Variants in ROBO2 observed in about 807,000 individuals in gnomAD.
The protein encoded by ROBO2 is roundabout guidance receptor 2.
A neutral mutation model predicts 160.8 loss-of-function variants in ROBO2; 53 were observed. The observed-to-expected ratio is 0.33, with a 90% confidence interval of 0.26 to 0.41. ROBO2 has a LOEUF of 0.41. Ranked by LOEUF, ROBO2 falls within the 10% of genes least tolerant of loss-of-function variation. The probability of loss-of-function intolerance (pLI) is 1.00; values close to 1 mark genes in which losing one functional copy is unlikely to be tolerated. For synonymous variants in ROBO2, 664 were observed against 611.7 expected (o/e 1.09, Z -1.26); for missense variants, 1,577 against 1,722.4 (o/e 0.92, Z 1.49).
In ROBO2 at chr3:76,446,156, A is replaced by C. The variant is rs540343037; in HGVS notation, c.109+508554A>C. The stretch of plus-strand genomic sequence containing the variant: ...TTAGAAAACCCCATCGTCTCAGCCC[A>C]AAATCTCCTTAATCTGATAAGCAAC... On this transcript the variant is annotated intron_variant, in intron 2 of 26. Transcript: ENST00000487694. Among the ~76,000 whole-genome samples the C allele has an allele frequency of 5.3e-5, 8 of 152,322 alleles. No homozygotes were observed. In the East Asian group the frequency reaches 1.2e-3, roughly 22 times the overall value.
chr3:76,243,506 A>G (rs1559677694), intron 2 of ROBO2, among the ~76,000 whole-genome samples: 1 of 152,226 alleles, frequency 6.6e-6, no homozygotes, highest in Non-Finnish European at 1.5e-5. Context: ...ACACAGTAGT[A>G]CCCAAAGGCC....
At chr3:76,351,651 T>C (rs2074882728) in intron 2 of ROBO2, among the ~76,000 whole-genome samples, 2 of 152,020 alleles carry the variant, frequency 1.3e-5, no homozygotes, top group Admixed American at 1.3e-4. Context: ...TATGTTTCCA[T>C]ATTATGTCTT....
chr3:76,555,756 G>A (rs544276310), intron 2 of ROBO2, among the ~76,000 whole-genome samples: 2 of 152,086 alleles, frequency 1.3e-5, no homozygotes, highest in South Asian at 4.1e-4. Flanking sequence ...TAGTTAAGAG[G>A]TTCTCAAACA....
chr3:77,494,272 C>CT lies in ROBO2; in HGVS notation c.806+898dup, dbSNP rs201997067. ...TACAGGCTGTGTTTTTCTAATTTTT[C>CT]TTTTTTTTAAAAAAAATTTTTTGGC... is the stretch of plus-strand genomic sequence containing the variant. On this transcript the variant is annotated intron_variant, in intron 5 of 25. Transcript: ENST00000461745. Among the ~76,000 whole-genome samples the CT allele has an allele frequency of 9.9e-5, 15 of 152,056 alleles. No homozygotes were observed. The South Asian group carries it at 1.2e-3, about 13-fold the overall frequency.
intron 2 of ROBO2, among the ~76,000 whole-genome samples, chr3:76,884,577 C>T (rs1303924891): frequency 6.6e-6 from 1 of 152,158 alleles, no homozygotes; most frequent in Non-Finnish European, 1.5e-5. Context: ...ACCTTTGACT[C>T]AGTTCTCAGC....
At chr3:76,923,562 G>A (rs1229866034) in intron 2 of ROBO2, among the ~76,000 whole-genome samples, 2 of 152,194 alleles carry the variant, frequency 1.3e-5, no homozygotes, top group African/African-American at 2.4e-5. Flanking sequence ...AATGCTAATG[G>A]CTCTAGCCCC....
Position 77,422,429 on chromosome 3 carries a change from A to T in ROBO2, c.389-54985A>T, listed in dbSNP as rs569505289. 2.4e-3 allele frequency among the ~76,000 whole-genome samples: 372 copies of T among 152,258 alleles called. 2 individuals are homozygous for T. The highest frequency in any genetic ancestry group is 8.6e-3 in the African/African-American group (358 of 41,552). On this transcript the variant is annotated intron_variant, in intron 2 of 25. Coordinates refer to ENST00000461745, the Ensembl canonical transcript of ROBO2. ...CTTTGCATCCCAGACGGCTCCTGGT[A>T]CAAATTGTTGCACAAGGTGGGCCTT...
At chr3:77,298,900 G>C (rs2062393702) in intron 2 of ROBO2, among the ~76,000 whole-genome samples, 1 of 152,106 alleles carries the variant, frequency 6.6e-6, no homozygotes, top group African/African-American at 2.4e-5. Flanking sequence ...ATAAAACACT[G>C]ACTGACAAAA....
intron 2 of ROBO2, among the ~76,000 whole-genome samples, chr3:77,278,909 G>T (rs2060062985): frequency 6.6e-6 from 1 of 152,048 alleles, no homozygotes; most frequent in Admixed American, 6.6e-5. Flanking sequence ...ACTAACAATT[G>T]TTCTAATCGT....
At chr3:76,012,982 G>T (rs1410705291) in intron 2 of ROBO2, among the ~76,000 whole-genome samples, 2 of 150,464 alleles carry the variant, frequency 1.3e-5, no homozygotes, top group Non-Finnish European at 2.9e-5. Context: ...ACTGGGCACG[G>T]TGGCTTATGC....
At chr3:77,090,440 G>A (rs965722184) in intron 1 of ROBO2, among the ~76,000 whole-genome samples, 9 of 138,332 alleles carry the variant, frequency 6.5e-5, no homozygotes, top group African/African-American at 1.1e-4. Context: ...TGCAAGCTCC[G>A]TCTCCCGGGT....
chr3:77,457,756 A>T (rs983533840), intron 2 of ROBO2, among the ~76,000 whole-genome samples: 1 of 152,106 alleles, frequency 6.6e-6, no homozygotes, highest in Admixed American at 6.5e-5. Context: ...TTAAGTGTTT[A>T]AACCAGATTA....
intron 2 of ROBO2, among the ~76,000 whole-genome samples, chr3:76,951,367 T>C (rs1159782782): frequency 2.0e-5 from 3 of 152,228 alleles, no homozygotes; most frequent in Admixed American, 6.5e-5. Flanking sequence ...TAAAAAGTTG[T>C]GCTAACCTCA....
intron 2 of ROBO2, among the ~76,000 whole-genome samples, chr3:76,584,446 C>T (rs2085903018): frequency 6.6e-6 from 1 of 151,966 alleles, no homozygotes; most frequent in South Asian, 2.1e-4. Flanking sequence ...TATCATGGGT[C>T]CCTGATCCAG....
chr3:76,605,568 G>T (rs1173684523), intron 2 of ROBO2, among the ~76,000 whole-genome samples: 4 of 152,134 alleles, frequency 2.6e-5, no homozygotes, highest in Non-Finnish European at 5.9e-5. Context: ...CTAATAGGCA[G>T]AATTTTTCCA....
chr3:76,148,284 T>C (rs1190609481), intron 2 of ROBO2, among the ~76,000 whole-genome samples: 1 of 151,984 alleles, frequency 6.6e-6, no homozygotes, highest in Non-Finnish European at 1.5e-5. Flanking sequence ...GCTGCTTCTG[T>C]TTCTACTGAA....
chr3:77,364,049 T>C (rs1331855536), intron 2 of ROBO2, among the ~76,000 whole-genome samples: 1 of 152,186 alleles, frequency 6.6e-6, no homozygotes, highest in African/African-American at 2.4e-5. Flanking sequence ...CATTTTATCT[T>C]AATACAAGGT....
chr3:76,966,587 G>T (rs919856644), intron 2 of ROBO2, among the ~76,000 whole-genome samples: 5 of 152,186 alleles, frequency 3.3e-5, no homozygotes, highest in African/African-American at 1.2e-4. Context: ...GGGATGATAA[G>T]AAGGGGAGGA....
chr3:77,218,896 T>C (rs57509171), intron 2 of ROBO2, among the ~76,000 whole-genome samples: 5,570 of 152,314 alleles, frequency 0.037, 122 homozygotes, highest in Middle Eastern at 0.058. Context: ...GAAAGTATTT[T>C]ATTAAATGTT....
Sources: allele counts gnomAD v4.1 joint callset (sites outside exome capture counted in the v4.1 genomes callset), GRCh38; gene constraint gnomAD v4.1.1; transcripts MANE v1.5; gene names NCBI Gene and HGNC (gene_info 2026-07-23, HGNC 2026-07-21).